The following CRPPA variants were observed in gnomAD, a reference collection of about 807,000 sequenced individuals.
CRPPA encodes the protein CDP-L-ribitol pyrophosphorylase A.
In CRPPA, 43 loss-of-function variants were observed where a neutral mutation model predicts 52.0. The observed-to-expected ratio is 0.83, with a 90% CI of 0.65 to 1.07. The LOEUF is 1.07. Ranked by LOEUF, CRPPA falls within the 50% of genes least tolerant of loss-of-function variation. CRPPA has a pLI of 0.00. For synonymous variants in CRPPA, 250 were observed against 203.5 expected, an observed-to-expected ratio of 1.23 and a Z score of -1.94; for missense variants, 629 against 551.7, an observed-to-expected ratio of 1.14 and a Z score of -1.40.
chr7:16,402,699 TAAA>T (rs10711388), intron 2 of CRPPA, among the ~76,000 whole-genome samples: 1 of 143,160 alleles, frequency 7.0e-6, no homozygotes, highest in Admixed American at 7.0e-5. Flanking sequence ...TAGACAGAGC[TAAA>T]AAAAAAAAAA....
At chr7:16,245,714 A>G (rs574959061) in intron 8 of CRPPA, among the ~76,000 whole-genome samples, 1 of 152,218 alleles carries the variant, frequency 6.6e-6, no homozygotes, top group East Asian at 1.9e-4. Context: ...CCTCCAGACT[A>G]CTGGAGCCAA....
At chr7:16,253,178 T>C (rs1377485823) in intron 8 of CRPPA, among the ~76,000 whole-genome samples, 1 of 152,210 alleles carries the variant, frequency 6.6e-6, no homozygotes, top group Admixed American at 6.5e-5. Flanking sequence ...GCTTCTCTAG[T>C]TCTTTTAATT....
intron 5 of CRPPA, among the ~76,000 whole-genome samples, chr7:16,299,770 G>C (rs1784752906): frequency 6.6e-6 from 1 of 152,106 alleles, no homozygotes; most frequent in South Asian, 2.1e-4. Context: ...CTATTACATA[G>C]ACAAAAGCCA....
intron 2 of CRPPA, among the ~76,000 whole-genome samples, chr7:16,378,075 G>A (rs1786946674): frequency 6.6e-6 from 1 of 152,016 alleles, no homozygotes; most frequent in South Asian, 2.1e-4. Flanking sequence ...TTAAAGCAGT[G>A]ATGTGGTGAT....
chr7:16,153,377 T>C lies in CRPPA; in HGVS notation c.1252-61578A>G, dbSNP rs150446449. On this transcript the variant is annotated intron_variant, in intron 9 of 9. Transcript: ENST00000407010. ...ATAACTTTTTTCACATTTCTAAAAGTTTTTTTAAAAAAAGAAATAAGAATA... is the reference window on the plus strand; with the variant it reads ...ATAACTTTTTTCACATTTCTAAAAGCTTTTTTAAAAAAAGAAATAAGAATA... 5.4e-3 allele frequency among the ~76,000 whole-genome samples: 820 copies of C among 152,132 alleles called. 9 individuals carry two copies. The highest frequency in any genetic ancestry group is 0.019 in the African/African-American group (797 of 41,544).
At chr7:16,160,451 C>A (rs1783279082) in intron 9 of CRPPA, among the ~76,000 whole-genome samples, 1 of 152,176 alleles carries the variant, frequency 6.6e-6, no homozygotes, top group Non-Finnish European at 1.5e-5. Flanking sequence ...TTGTTTTTCT[C>A]AGGTTTGTCA....
chr7:16,220,065 T>A (rs62440399), intron 8 of CRPPA, among the ~76,000 whole-genome samples: 34,077 of 127,400 alleles, frequency 0.27, 5,723 homozygotes, highest in Non-Finnish European at 0.38. Flanking sequence ...GCAAAACAAA[T>A]CCAGCAGCAC....
intron 9 of CRPPA, among the ~76,000 whole-genome samples, chr7:16,157,315 G>A (rs1192909075): frequency 1.3e-5 from 2 of 152,000 alleles, no homozygotes; most frequent in African/African-American, 4.8e-5. Context: ...GGACATCTGA[G>A]AGCTGGGAGA....
intron 6 of CRPPA, among the ~76,000 whole-genome samples, chr7:16,273,053 G>A (rs1357568887): frequency 6.6e-6 from 1 of 151,424 alleles, no homozygotes; most frequent in Admixed American, 6.6e-5. Flanking sequence ...CCATGCTGGG[G>A]TGCTGCACCC....
intron 6 of CRPPA, among the ~76,000 whole-genome samples, chr7:16,274,615 G>A (rs539796088): frequency 1.0e-3 from 159 of 152,012 alleles, no homozygotes; most frequent in African/African-American, 3.5e-3. Flanking sequence ...AGAAATTTTT[G>A]AGGAATGGTG....
chr7:16,291,316 T>C (rs777653040), intron 5 of CRPPA, among the ~76,000 whole-genome samples: 1 of 151,974 alleles, frequency 6.6e-6, no homozygotes, highest in Non-Finnish European at 1.5e-5. Flanking sequence ...CTCTTCATAA[T>C]AGCCAATATA....
chr7:16,109,117 C>T (rs1032836319), intron 9 of CRPPA, among the ~76,000 whole-genome samples: 2 of 151,480 alleles, frequency 1.3e-5, no homozygotes, highest in African/African-American at 4.8e-5. Flanking sequence ...TAGAGGACAA[C>T]ATAAAACATA....
In CRPPA at chr7:16,225,946, G is replaced by T. The variant is rs1327518449; in HGVS notation, c.1120-9749C>A. ...TTAAAAAAACTTTTTAGAAGATGAG[G>T]TATTCAGAATACACAGAAAAAAAAA... On this transcript the variant is annotated intron_variant, in intron 8 of 9. Coordinates refer to ENST00000407010, the MANE Select transcript of CRPPA (RefSeq NM_001101426.4). Among the ~76,000 whole-genome samples, 49 of 151,654 alleles carry T rather than the reference G, an allele frequency of 3.2e-4. 1 individual carries two copies. The highest frequency in any genetic ancestry group is 3.2e-3 in the Admixed American group (49 of 15,222).
chr7:16,157,987 G>A (rs1317633271), intron 9 of CRPPA, among the ~76,000 whole-genome samples: 1 of 151,396 alleles, frequency 6.6e-6, no homozygotes, highest in Admixed American at 6.6e-5. Context: ...CGATTCCCCT[G>A]CCTCAGCCTC....
intron 3 of CRPPA, among the ~76,000 whole-genome samples, chr7:16,375,216 C>T (rs1215391798): frequency 1.3e-5 from 2 of 152,260 alleles, no homozygotes; most frequent in East Asian, 1.9e-4. Flanking sequence ...TTCTGGGATA[C>T]TACCCTCTAA....
chr7:16,378,809 T>G lies in CRPPA; in HGVS notation c.535-2568A>C, dbSNP rs1023307484. ...CTTTTTAATGATTGCCATTCTAACT[T>G]GTGTGAGATGGTATCTCACTGTGGT... On this transcript the variant is annotated intron_variant, in intron 2 of 9. Transcript: ENST00000407010. Among the ~76,000 whole-genome samples, 57 of 152,256 alleles carry G rather than the reference T, an allele frequency of 3.7e-4. No individual in the cohort carries two copies. In the Middle Eastern group the frequency reaches 0.01, roughly 27 times the overall value.
chr7:16,389,512 A>G (rs945876269), intron 2 of CRPPA, among the ~76,000 whole-genome samples: 1 of 152,176 alleles, frequency 6.6e-6, no homozygotes, highest in Non-Finnish European at 1.5e-5. Flanking sequence ...AAACATATGA[A>G]CATGTCAATA....
intron 3 of CRPPA, among the ~76,000 whole-genome samples, chr7:16,312,072 T>A (rs1785045209): frequency 6.6e-6 from 1 of 152,026 alleles, no homozygotes; most frequent in Non-Finnish European, 1.5e-5. Flanking sequence ...CCAACTTTAT[T>A]CTTTGCTTTC....
intron 2 of CRPPA, among the ~76,000 whole-genome samples, chr7:16,377,225 G>A (rs1786914975): frequency 6.6e-6 from 1 of 152,100 alleles, no homozygotes; most frequent in South Asian, 2.1e-4. Context: ...ACACCTTCCA[G>A]TGCCTCAAGC....
Sources: allele counts gnomAD v4.1 joint callset (sites outside exome capture counted in the v4.1 genomes callset), GRCh38; gene constraint gnomAD v4.1.1; transcripts MANE v1.5; gene names NCBI Gene and HGNC (gene_info 2026-07-23, HGNC 2026-07-21).